DNAJC21: variants seen among roughly 807,000 people sequenced by gnomAD.
DNAJC21 encodes the protein dnaJ homolog subfamily C member 21.
In DNAJC21, 63 loss-of-function variants were observed where a neutral mutation model predicts 72.4. The ratio of observed to expected loss-of-function variants is 0.87; its 90% CI spans 0.71 to 1.07. The LOEUF is 1.07. Among genes scored for constraint, DNAJC21 ranks in the 50% least tolerant of loss-of-function variants. DNAJC21 has a pLI of 0.00. For missense variants in DNAJC21, 634 were observed against 644.8 expected (o/e 0.98, Z 0.18); for synonymous variants, 203 against 216.7 (o/e 0.94, Z 0.56).
chr5:34,945,380 A>G (rs1168598456), intron 8 of DNAJC21, among the ~76,000 whole-genome samples: 1 of 152,182 alleles, frequency 6.6e-6, no homozygotes, highest in Non-Finnish European at 1.5e-5. Context: ...GCCCGGCCTT[A>G]AAGGCTGTTT....
chr5:34,945,844 A>G, intron 9 of DNAJC21, 41 bp downstream of exon 9: 1 of 1,384,858 alleles, frequency 7.2e-7, no homozygotes, highest in Non-Finnish European at 1.0e-6. Flanking sequence ...TGCCAACGAT[A>G]AAGTTGCAGT....
At chr5:34,943,795 A>G (rs1254845904) in intron 7 of DNAJC21, among the ~76,000 whole-genome samples, 1 of 152,150 alleles carries the variant, frequency 6.6e-6, no homozygotes, top group African/African-American at 2.4e-5. Flanking sequence ...TTATCCATTT[A>G]TCTATTATCA....
intron 9 of DNAJC21, chr5:34,949,565 A>G (rs368058048): frequency 9.6e-6 from 15 of 1,561,308 alleles, no homozygotes; most frequent in Middle Eastern, 1.7e-4. Flanking sequence ...AAAGATTCAT[A>G]TCTGCCTGCA....
At chr5:34,936,558 C>G (rs79747124) in intron 4 of DNAJC21, among the ~76,000 whole-genome samples, 5,355 of 152,210 alleles carry the variant, frequency 0.035, 183 homozygotes, top group African/African-American at 0.088. Flanking sequence ...GGCCTCCCTC[C>G]TTGGCCTCCC....
At chr5:34,952,192 G>C (rs1765395439) in intron 10 of DNAJC21, 1 of 985,098 alleles carries the variant, frequency 1.0e-6, no homozygotes, top group African/African-American at 1.7e-5. Context: ...ATCAGCTTCA[G>C]AGATGTAACT....
At chr5:34,950,732 G>T in intron 10 of DNAJC21, 1 of 991,910 alleles carries the variant, frequency 1.0e-6, no homozygotes, top group Non-Finnish European at 1.2e-6. Context: ...AGCAGCCTGT[G>T]TTGGGCCCCA....
chr5:34,945,900 A>C, intron 9 of DNAJC21, 97 bp downstream of exon 9: 1 of 799,088 alleles, frequency 1.3e-6, no homozygotes, highest in South Asian at 2.9e-5. Context: ...AGAAACTTAT[A>C]CTCCATAATT....
chr5:34,946,780 A>G (rs1234748493), intron 9 of DNAJC21, among the ~76,000 whole-genome samples: 1 of 152,152 alleles, frequency 6.6e-6, no homozygotes, highest in Non-Finnish European at 1.5e-5. Context: ...TAAGGACAAA[A>G]TAAATGGAGA....
In DNAJC21 at chr5:34,944,980, T is replaced by C. The variant is rs771996525; in HGVS notation, c.1097T>C (p.Leu366Ser). ...AGACCTCAAATTGATGAAAATCCAT[T>C]AGATGACAATTCTGAGGAAGAAATG... is the stretch of plus-strand genomic sequence containing the variant. ...FSRPQIDENP[L>S]DDNSEEEMED... The change falls in exon 8 of 12, where the codon TTA becomes TCA. Residue 366 changes from leucine (L) to serine (S), a missense_variant. Physicochemically the swap from Leu to Ser is moderately radical, Grantham distance 145 (BLOSUM62 -2). Transcript: ENST00000648817. 3.5e-5 allele frequency: 57 copies of C among 1,613,854 alleles called. No individual in the cohort carries two copies. Among genetic ancestry groups the C allele is most frequent in the Non-Finnish European group, 4.0e-5 (47 of 1,179,974 alleles).
chr5:34,930,039 T>G, intron 1 of DNAJC21, 123 bp downstream of exon 1: 2 of 661,872 alleles, frequency 3.0e-6, no homozygotes, highest in Non-Finnish European at 4.4e-6. Context: ...AGGAGCTCCT[T>G]GCCCCGCCCG....
rs201525446 is a variant in DNAJC21, at chr5:34,953,886, T to G, written c.1359-40T>G. 5.0e-4 allele frequency: 754 copies of G among 1,510,618 alleles called. 2 individuals are homozygous for G. The African/African-American group carries it at 9.5e-3, about 19-fold the overall frequency. The allele number at this position is 1,510,618 out of a possible 1,614,324, so 93.6% of individuals were successfully genotyped here. ...CTCAAATAATGATGGTTAAAAGGAG[T>G]ATGTTATTTTTGGATTATGCTGAAT... is the stretch of plus-strand genomic sequence containing the variant. On this transcript the variant is annotated intron_variant, in intron 10 of 11. Transcript: ENST00000648817.
intron 9 of DNAJC21, among the ~76,000 whole-genome samples, chr5:34,949,150 C>T (rs1765272373): frequency 6.6e-6 from 1 of 152,152 alleles, no homozygotes; most frequent in Non-Finnish European, 1.5e-5. Context: ...CAATACCACC[C>T]TAACCAAATG....
chr5:34,953,091 A>G (rs565875326), intron 10 of DNAJC21, among the ~76,000 whole-genome samples: 4 of 152,162 alleles, frequency 2.6e-5, no homozygotes, highest in African/African-American at 9.6e-5. Flanking sequence ...CAGAGGTTGC[A>G]GTGAGCCAAG....
intron 1 of DNAJC21, among the ~76,000 whole-genome samples, chr5:34,931,473 G>C (rs1764591331): frequency 6.6e-6 from 1 of 152,176 alleles, no homozygotes; most frequent in African/African-American, 2.4e-5. Context: ...CTTTCTAGGT[G>C]GGAAAGGGTA....
In DNAJC21 at chr5:34,945,789, CAG is replaced by C. The variant is rs1315003480; in HGVS notation, c.1173_1174del (p.Lys392ThrfsTer6). On this transcript the variant is annotated frameshift_variant, in exon 9 of 12. Transcript: ENST00000648817. LOFTEE classifies it high-confidence loss of function. ...TTCTAAAAAACAGAAGAAAAAGAAACAGAAACCAGCACAGGTATGTTAGAAAG... is the reference window on the plus strand; with the variant it reads ...TTCTAAAAAACAGAAGAAAAAGAAACAAACCAGCACAGGTATGTTAGAAAG... ...KLSKKQKKKK[Q>X]KPAQNYDDNF... is the part of the protein sequence containing the mutation. The C allele has an allele frequency of 2.5e-6, 4 of 1,591,128 alleles. No homozygotes were observed. Among genetic ancestry groups the C allele is most frequent in the East Asian group, 2.3e-5 (1 of 44,044 alleles).
At chr5:34,943,073 TAAAAA>T (rs945881873) in intron 7 of DNAJC21, among the ~76,000 whole-genome samples, 1 of 141,324 alleles carries the variant, frequency 7.1e-6, no homozygotes, top group African/African-American at 2.6e-5. Context: ...CGTCTCAAAA[TAAAAA>T]AAAAAAGTAA....
At chr5:34,937,153 G>C (rs1180897129) in intron 4 of DNAJC21, among the ~76,000 whole-genome samples, 173 bp from the exon 5 acceptor site, 1 of 152,008 alleles carries the variant, frequency 6.6e-6, no homozygotes, top group African/African-American at 2.4e-5. Flanking sequence ...AGTTTATTTT[G>C]AAGAGTGATT....
At chr5:34,953,026 T>C (rs1024362751) in intron 10 of DNAJC21, among the ~76,000 whole-genome samples, 6 of 151,936 alleles carry the variant, frequency 3.9e-5, no homozygotes, top group African/African-American at 1.5e-4. Context: ...GGCACGTGCC[T>C]GTAATCCCAG....
chr5:34,929,966 T>C (rs2112005816), intron 1 of DNAJC21, 50 bp downstream of exon 1: 5 of 1,401,600 alleles, frequency 3.6e-6, no homozygotes, highest in East Asian at 2.8e-5. Flanking sequence ...AGCCCGGCCC[T>C]CCCCGACCTT....
Sources: allele counts gnomAD v4.1 joint callset (sites outside exome capture counted in the v4.1 genomes callset), GRCh38; gene constraint gnomAD v4.1.1; transcripts MANE v1.5; gene names NCBI Gene and HGNC (gene_info 2026-07-23, HGNC 2026-07-21).